The following DACH1 variants were observed in gnomAD, a reference collection of about 807,000 sequenced individuals.
DACH1 encodes dachshund family transcription factor 1, also known as dachshund homolog 1.
Under a neutral mutation model 54.2 loss-of-function variants are expected in DACH1, and 12 were observed. The observed-to-expected ratio is 0.22, with a 90% CI of 0.14 to 0.36. DACH1 has a LOEUF of 0.36. Among genes scored for constraint, DACH1 ranks in the 10% least tolerant of loss-of-function variants. DACH1 has a pLI of 1.00. For missense variants in DACH1, 805 were observed against 929.8 expected (o/e 0.87, Z 1.75); for synonymous variants, 386 against 366.2 (o/e 1.05, Z -0.62).
At chr13:71,835,601 C>T (rs1479377054) in intron 1 of DACH1, among the ~76,000 whole-genome samples, 3 of 152,030 alleles carry the variant, frequency 2.0e-5, no homozygotes, top group Non-Finnish European at 4.4e-5. Context: ...AAAAGAGGCC[C>T]TATTGGTCCA....
chr13:71,609,297 C>T (rs572224210), intron 3 of DACH1, among the ~76,000 whole-genome samples: 31 of 152,098 alleles, frequency 2.0e-4, no homozygotes, highest in Admixed American at 1.0e-3. Flanking sequence ...ACGAAGTCAC[C>T]GTTGCAATTT....
intron 3 of DACH1, among the ~76,000 whole-genome samples, chr13:71,579,969 G>A (rs1399881874): frequency 6.6e-6 from 1 of 152,110 alleles, no homozygotes; most frequent in African/African-American, 2.4e-5. Context: ...GAAAAAATTA[G>A]TAGCCAGATT....
chr13:71,619,304 TG>T (rs1876031185), intron 3 of DACH1, among the ~76,000 whole-genome samples: 1 of 151,938 alleles, frequency 6.6e-6, no homozygotes, highest in South Asian at 2.1e-4. Flanking sequence ...CCTTTCAAGT[TG>T]TGTTTATCTC....
At chr13:71,582,756 T>C (rs534611313) in intron 3 of DACH1, among the ~76,000 whole-genome samples, 1 of 152,170 alleles carries the variant, frequency 6.6e-6, no homozygotes, top group South Asian at 2.1e-4. Context: ...CTATTATACA[T>C]AGTAAAGACA....
chr13:71,609,963 T>A (rs1014448098), intron 3 of DACH1, among the ~76,000 whole-genome samples: 2 of 152,108 alleles, frequency 1.3e-5, no homozygotes. Flanking sequence ...ACATCATATA[T>A]CAGGGAGAAA....
rs77639633 is a variant in DACH1, at chr13:71,809,919, A to G, written c.848+56003T>C. Reference sequence around the variant, plus strand: ...AAAGTTCAGAGTCCTCAAGAAAAAGAGATTGAGACAGGTGTGGTGAATGTT... The same window carrying G: ...AAAGTTCAGAGTCCTCAAGAAAAAGGGATTGAGACAGGTGTGGTGAATGTT... On this transcript the variant is annotated intron_variant, in intron 1 of 10. Coordinates refer to ENST00000613252, the MANE Select transcript of DACH1 (RefSeq NM_080759.6). Among the ~76,000 whole-genome samples the G allele has an allele frequency of 3.6e-3, 554 of 152,316 alleles. 5 individuals carry two copies. Among genetic ancestry groups the G allele is most frequent in the Middle Eastern group, 6.8e-3 (2 of 294 alleles).
chr13:71,734,967 TATAC>T (rs951285215), intron 1 of DACH1, among the ~76,000 whole-genome samples: 5 of 106,452 alleles, frequency 4.7e-5, no homozygotes, highest in Non-Finnish European at 9.7e-5. Context: ...TATATATATA[TATAC>T]ACACACAGGA....
intron 1 of DACH1, among the ~76,000 whole-genome samples, chr13:71,787,012 G>A (rs1886620794): frequency 6.6e-6 from 1 of 152,150 alleles, no homozygotes; most frequent in Admixed American, 6.6e-5. Context: ...ATGCAATTAA[G>A]GTTCCCACCA....
intron 1 of DACH1, among the ~76,000 whole-genome samples, chr13:71,685,995 T>C (rs1458936732): frequency 6.6e-6 from 1 of 152,168 alleles, no homozygotes; most frequent in Non-Finnish European, 1.5e-5. Context: ...AAAAAAGCAT[T>C]TTCTTCTGGA....
chr13:71,826,257 T>C (rs2138194947), intron 1 of DACH1, among the ~76,000 whole-genome samples: 1 of 152,224 alleles, frequency 6.6e-6, no homozygotes, highest in South Asian at 2.1e-4. Flanking sequence ...AAGCACTGAA[T>C]TTTAGGTTTC....
chr13:71,481,613 G>A (rs542930461), intron 7 of DACH1, among the ~76,000 whole-genome samples: 6 of 152,250 alleles, frequency 3.9e-5, no homozygotes, highest in Admixed American at 2.0e-4. Flanking sequence ...AAAATTAAAT[G>A]TAATTTTTAG....
intron 1 of DACH1, among the ~76,000 whole-genome samples, chr13:71,742,585 T>C (rs9318027): frequency 0.61 from 93,381 of 152,108 alleles, 35,795 homozygotes; most frequent in Non-Finnish European, 0.86. Context: ...TAGTTTTCTC[T>C]GCAAAATAGA....
chr13:71,449,731 G>C (rs548953317), intron 10 of DACH1, among the ~76,000 whole-genome samples: 142 of 152,148 alleles, frequency 9.3e-4, no homozygotes, highest in African/African-American at 3.1e-3. Context: ...AAAAAGGCTG[G>C]TATGAAGTAA....
intron 2 of DACH1, among the ~76,000 whole-genome samples, chr13:71,653,821 A>T (rs1003027891): frequency 6.6e-6 from 1 of 152,176 alleles, no homozygotes; most frequent in Non-Finnish European, 1.5e-5. Context: ...GTAACTTTCC[A>T]GAAAATATGA....
At position 71,631,874 on chromosome 13, in the gene DACH1, G is replaced by A. The variant is rs572880718; in HGVS notation, c.965-1157C>T. On this transcript the variant is annotated intron_variant, in intron 2 of 10. Coordinates refer to ENST00000613252, the MANE Select transcript of DACH1 (RefSeq NM_080759.6). ...AGCACTTTGGGAGGCAGAGACAGGC[G>A]GATCCCTTGAGCCCAGGAGTTTGAG... Among the ~76,000 whole-genome samples the A allele has an allele frequency of 2.3e-4, 35 of 152,200 alleles. No individual in the cohort carries two copies. In the South Asian group the frequency reaches 6.4e-3, roughly 28 times the overall value.
chr13:71,623,182 C>T (rs903525847), intron 3 of DACH1, among the ~76,000 whole-genome samples: 5 of 151,462 alleles, frequency 3.3e-5, no homozygotes, highest in Non-Finnish European at 5.9e-5. Flanking sequence ...TCCACAGTCA[C>T]CTGTTGCCAT....
chr13:71,616,099 C>T (rs183194228), intron 3 of DACH1, among the ~76,000 whole-genome samples: 2 of 152,240 alleles, frequency 1.3e-5, no homozygotes, highest in East Asian at 3.9e-4. Context: ...TACACCAAAA[C>T]CACATGGCAC....
chr13:71,646,379 T>C lies in DACH1; in HGVS notation c.965-15662A>G, dbSNP rs117343432. On this transcript the variant is annotated intron_variant, in intron 2 of 10. Coordinates refer to ENST00000613252, the MANE Select transcript of DACH1 (RefSeq NM_080759.6). ...AAAAAAACAACCCTTCTGTAATCGT[T>C]TTTCTTTTAAACAGTGATACAGTCA... 1.6e-3 allele frequency among the ~76,000 whole-genome samples: 245 copies of C among 152,154 alleles called. 4 individuals are homozygous for C. In the East Asian group the frequency reaches 0.045, roughly 28 times the overall value.
chr13:71,601,278 TTA>T (rs1365998936), intron 3 of DACH1, among the ~76,000 whole-genome samples: 1 of 152,062 alleles, frequency 6.6e-6, no homozygotes, highest in African/African-American at 2.4e-5. Context: ...CTCCCAGATA[TTA>T]TCAGTGGGAT....
Sources: allele counts gnomAD v4.1 joint callset (sites outside exome capture counted in the v4.1 genomes callset), GRCh38; gene constraint gnomAD v4.1.1; transcripts MANE v1.5; gene names NCBI Gene and HGNC (gene_info 2026-07-23, HGNC 2026-07-21).